The following VPS8 variants were observed in gnomAD, a reference collection of about 807,000 sequenced individuals.
The protein encoded by VPS8 is VPS8 subunit of CORVET complex.
In VPS8, 129 loss-of-function variants were observed where a neutral mutation model predicts 216.4. That is an observed-to-expected ratio of 0.60 (90% CI 0.52 to 0.69). The LOEUF (loss-of-function observed/expected upper bound fraction) is 0.69. Ranked by LOEUF, VPS8 falls within the 30% of genes least tolerant of loss-of-function variation. The probability of loss-of-function intolerance (pLI) is 0.00; values close to 1 mark genes in which losing one functional copy is unlikely to be tolerated. For missense variants in VPS8, 1,531 were observed against 1,683.5 expected (o/e 0.91, Z 1.59); for synonymous variants, 571 against 565.4 (o/e 1.01, Z -0.14).
At chr3:184,938,033 G>A (rs1741945121) in intron 35 of VPS8, among the ~76,000 whole-genome samples, 1 of 152,178 alleles carries the variant, frequency 6.6e-6, no homozygotes, top group Admixed American at 6.5e-5. Flanking sequence ...GGATAGCAGT[G>A]GGGAGAATGG....
At position 184,915,009 on chromosome 3, in the gene VPS8, C is replaced by T. The variant is rs1047232717; in HGVS notation, c.2218C>T (p.Leu740Phe). ...TTGTCTAGCAGGTCGTGCCTATCCC[C>T]TTGGTGACATCCCTGAAGATCTGGT... ...SCCLAGRAYP[L>F]GDIPEDLVPL... The change falls in exon 27 of 48, where the codon CTT (leucine) becomes TTT (phenylalanine). Residue 740 changes from leucine to phenylalanine, a missense_variant. By Grantham distance (22) the Leu-to-Phe change is conservative (BLOSUM62 0). Coordinates refer to ENST00000625842, the MANE Select transcript of VPS8 (RefSeq NM_001009921.3). 1 of 1,614,008 alleles carries T rather than the reference C, an allele frequency of 6.2e-7. No homozygotes were observed.
intron 18 of VPS8, 37 bp from the exon 19 acceptor site, chr3:184,868,905 TCAGA>T: frequency 6.4e-7 from 1 of 1,556,336 alleles, no homozygotes; most frequent in South Asian, 1.2e-5. Context: ...TGGTGACTGG[TCAGA>T]CAAAGGGGCC....
At chr3:185,013,565 GCAATAGCCGAAGA>G (rs1755351564) in intron 45 of VPS8, among the ~76,000 whole-genome samples, 1 of 152,122 alleles carries the variant, frequency 6.6e-6, no homozygotes, top group South Asian at 2.1e-4. Context: ...CTTTAATTTT[GCAATAGCCGAAGA>G]CAAGTTTGTA....
intron 45 of VPS8, among the ~76,000 whole-genome samples, chr3:185,009,156 C>T (rs182723527): frequency 4.9e-4 from 74 of 152,236 alleles, no homozygotes; most frequent in African/African-American, 1.3e-3. Context: ...GAAAAATCTT[C>T]ATACAGACAA....
intron 34 of VPS8, among the ~76,000 whole-genome samples, chr3:184,933,580 C>G (rs181374475): frequency 6.6e-5 from 10 of 151,856 alleles, no homozygotes; most frequent in Non-Finnish European, 1.5e-4. Flanking sequence ...ATTTCCCCCC[C>G]TCTTTATGTC....
chr3:184,994,567 C>A (rs1381055025), intron 43 of VPS8, among the ~76,000 whole-genome samples: 1 of 151,634 alleles, frequency 6.6e-6, no homozygotes, highest in Non-Finnish European at 1.5e-5. Context: ...GCATCTAATT[C>A]AAATTTAGTT....
intron 39 of VPS8, among the ~76,000 whole-genome samples, chr3:184,968,181 A>C (rs2109592841): frequency 6.6e-6 from 1 of 152,304 alleles, no homozygotes; most frequent in East Asian, 1.9e-4. Context: ...AACTTACCAT[A>C]AGGTTCATAA....
chr3:184,907,473 G>A (rs1449223244), intron 25 of VPS8, among the ~76,000 whole-genome samples: 3 of 152,162 alleles, frequency 2.0e-5, no homozygotes, highest in Non-Finnish European at 4.4e-5. Context: ...GATCAGGTTT[G>A]CCTGACATTA....
At position 184,929,653 on chromosome 3, in the gene VPS8, C is replaced by A; in HGVS notation, c.2788C>A (p.Pro930Thr). 1 of 1,513,416 alleles carries A rather than the reference C, an allele frequency of 6.6e-7. No homozygotes were observed. The highest frequency in any genetic ancestry group is 8.9e-7 in the Non-Finnish European group (1 of 1,125,880). 93.7% of individuals were successfully genotyped at this position (1,513,416 alleles called of 1,614,324 possible). Residue 930 changes from proline (P) to threonine (T), a missense_variant, in exon 33 of 48, where the codon CCT (proline) becomes ACT (threonine). Around this residue, in one of 3 missense-constraint regions of VPS8, gnomAD observed 1,318 missense variants for 1,468.4 expected, o/e 0.90. Coordinates refer to ENST00000625842, the MANE Select transcript of VPS8 (RefSeq NM_001009921.3). ...DKIIDCYLRD[P>T]LREEEVFNYI... ...AATTATTGATTGCTACTTACGTGAC[C>A]CTCTGCGAGAGGTGAGTCAAGATAC... is the stretch of plus-strand genomic sequence containing the variant.
chr3:184,831,867 C>T (rs959777951), intron 3 of VPS8, among the ~76,000 whole-genome samples: 4 of 152,174 alleles, frequency 2.6e-5, no homozygotes, highest in Non-Finnish European at 4.4e-5. Flanking sequence ...CTTCTTGTCT[C>T]GCCTCATCCA....
intron 42 of VPS8, among the ~76,000 whole-genome samples, chr3:184,989,626 G>C (rs1751601765): frequency 6.6e-6 from 1 of 152,038 alleles, no homozygotes; most frequent in African/African-American, 2.4e-5. Context: ...CCACTTGGTT[G>C]TTATGTATAA....
At chr3:185,043,441 A>G (rs769992478) in intron 46 of VPS8, among the ~76,000 whole-genome samples, 3 of 152,212 alleles carry the variant, frequency 2.0e-5, no homozygotes, top group Non-Finnish European at 2.9e-5. Context: ...TAGGCTGTGC[A>G]GAGATTTCCC....
chr3:185,051,667 A>G (rs10937197), intron 47 of VPS8, among the ~76,000 whole-genome samples: 43,616 of 152,000 alleles, frequency 0.29, 7,030 homozygotes, highest in East Asian at 0.63. Context: ...CTCATTATTG[A>G]ATGAGGAAAT....
intron 29 of VPS8, among the ~76,000 whole-genome samples, chr3:184,921,263 T>A (rs1208771730): frequency 1.3e-5 from 2 of 152,206 alleles, no homozygotes; most frequent in Admixed American, 1.3e-4. Context: ...CAACCTGGTT[T>A]AGTAGAGTGA....
intron 46 of VPS8, among the ~76,000 whole-genome samples, chr3:185,042,166 A>G (rs76365383): frequency 0.011 from 1,633 of 152,354 alleles, 30 homozygotes; most frequent in African/African-American, 0.037. Flanking sequence ...TCCAGACATC[A>G]TAACACCTCC....
chr3:185,000,718 GC>G (rs1353793015), intron 45 of VPS8, among the ~76,000 whole-genome samples: 1 of 150,664 alleles, frequency 6.6e-6, no homozygotes, highest in African/African-American at 2.4e-5. Flanking sequence ...ACGCCATTCT[GC>G]CTCAGCCTCC....
chr3:184,936,307 A>C lies in VPS8; in HGVS notation c.2960A>C (p.His987Pro). 1 of 1,611,886 alleles carries C rather than the reference A, an allele frequency of 6.2e-7. No individual in the cohort carries two copies. Among genetic ancestry groups the C allele is most frequent in the Non-Finnish European group, 8.5e-7 (1 of 1,179,014 alleles). Residue 987 changes from histidine (H) to proline (P), a missense_variant, in exon 35 of 48, where the codon CAT (histidine) becomes CCT (proline). Coordinates refer to ENST00000625842, the MANE Select transcript of VPS8 (RefSeq NM_001009921.3). ...AELVATHFSG[H>P]IETVIKKLQN... ...CTGGTTGCCACCCACTTTTCTGGACATATTGAAACGGTCATTAAAAAACTT... is the reference window on the plus strand; with the variant it reads ...CTGGTTGCCACCCACTTTTCTGGACCTATTGAAACGGTCATTAAAAAACTT...
intron 41 of VPS8, 135 bp from the exon 42 acceptor site, chr3:184,982,877 T>C: frequency 4.9e-6 from 4 of 812,298 alleles, no homozygotes; most frequent in Non-Finnish European, 7.4e-6. Context: ...CAGTTAATTT[T>C]AAAATATCAA....
rs186043883 is a variant in VPS8 at position 184,897,492 on chromosome 3, C to G, written c.2005-1073C>G. Among the ~76,000 whole-genome samples the G allele has an allele frequency of 1.1e-4, 17 of 152,192 alleles. No homozygotes were observed. In the East Asian group the frequency reaches 3.1e-3, roughly 28 times the overall value. The stretch of plus-strand genomic sequence containing the variant: ...GGTTGGCCATTTTATTTTGAGATCA[C>G]TACTGGACATTCAGGCGAAGATGTC... On this transcript the variant is annotated intron_variant, in intron 23 of 47. Coordinates refer to ENST00000625842, the MANE Select transcript of VPS8 (RefSeq NM_001009921.3).
Sources: allele counts gnomAD v4.1 joint callset (sites outside exome capture counted in the v4.1 genomes callset), GRCh38; gene constraint gnomAD v4.1.1; regional missense constraint gnomAD v4.1.1; transcripts MANE v1.5; gene names NCBI Gene and HGNC (gene_info 2026-07-23, HGNC 2026-07-21).